Variants in TACC2 observed in about 807,000 individuals in gnomAD.
The protein encoded by TACC2 is transforming acidic coiled-coil containing protein 2.
A neutral mutation model predicts 227.3 loss-of-function variants in TACC2; 137 were observed. The observed-to-expected ratio is 0.60, with a 90% CI of 0.52 to 0.69. The LOEUF (loss-of-function observed/expected upper bound fraction) is 0.69, where lower values mean the gene tolerates loss of function less well. Ranked by LOEUF, TACC2 falls within the 30% of genes least tolerant of loss-of-function variation. The pLI is 0.00. For synonymous variants in TACC2, 1,523 were observed against 1,487.5 expected, an observed-to-expected ratio of 1.02 and a Z score of -0.55; for missense variants, 3,470 against 3,694.4, an observed-to-expected ratio of 0.94 and a Z score of 1.57.
At chr10:122,075,002 A>T (rs2136864614) in intron 3 of TACC2, among the ~76,000 whole-genome samples, 1 of 152,254 alleles carries the variant, frequency 6.6e-6, no homozygotes, top group Middle Eastern at 3.4e-3. Flanking sequence ...CACTTTGGAC[A>T]TCCTAAATGT....
Position 122,050,496 on chromosome 10 carries a change from TA to T in TACC2, c.97del (p.Arg33GlyfsTer45), listed in dbSNP as rs753443406. 6.2e-7 allele frequency: 1 copy of T among 1,613,900 alleles called. No individual in the cohort carries two copies. Among genetic ancestry groups the T allele is most frequent in the African/African-American group, 1.3e-5 (1 of 74,872 alleles). The stretch of plus-strand genomic sequence containing the variant: ...CAGCCACCCGGGAACAGTCAGAATA[TA>T]AAAAGGAAGCAGCAGGACACGCCCG... ...SAQPPGNSQN[I>X]KRKQQDTPGS... is the part of the protein sequence containing the mutation. On this transcript the variant is annotated frameshift_variant, in exon 3 of 23. Transcript: ENST00000369005. LOFTEE classifies it high-confidence loss of function. The surrounding 1 kb of genome is among the most constrained non-coding windows in gnomAD (Gnocchi z 4.6).
chr10:122,021,827 G>A, intron 1 of TACC2, 110 bp from the exon 2 acceptor site: 2 of 656,612 alleles, frequency 3.0e-6, no homozygotes, highest in South Asian at 1.9e-5. Flanking sequence ...TGACCGTAGA[G>A]ATAAACATTT....
At chr10:122,137,519 G>A (rs1418205787) in intron 6 of TACC2, among the ~76,000 whole-genome samples, 2 of 152,168 alleles carry the variant, frequency 1.3e-5, no homozygotes, top group Non-Finnish European at 2.9e-5. Context: ...TCCAGCTGCT[G>A]TACCACTATG....
chr10:122,193,488 G>T (rs1285218004), intron 7 of TACC2, among the ~76,000 whole-genome samples: 1 of 152,140 alleles, frequency 6.6e-6, no homozygotes, highest in African/African-American at 2.4e-5. Flanking sequence ...AGCAACGTGA[G>T]CATCTCTCAG....
At chr10:122,216,581 A>G (rs1455182043) in intron 10 of TACC2, 46 bp from the exon 11 acceptor site, 1 of 1,588,558 alleles carries the variant, frequency 6.3e-7, no homozygotes, top group South Asian at 1.2e-5. Context: ...ACAGTTTCTG[A>G]CCAAGAGTCT....
intron 16 of TACC2, among the ~76,000 whole-genome samples, chr10:122,235,186 C>T (rs142762452): frequency 6.6e-6 from 1 of 152,316 alleles, no homozygotes; most frequent in African/African-American, 2.4e-5. Flanking sequence ...TCCTGGGTTT[C>T]AAGCGATTCT....
chr10:122,143,435 CG>C, intron 6 of TACC2, 136 bp from the exon 7 acceptor site: 1 of 890,704 alleles, frequency 1.1e-6, no homozygotes, highest in Non-Finnish European at 1.6e-6. Flanking sequence ...ATGGGGAAGC[CG>C]GGGAGCCAAG....
chr10:122,131,200 AAT>A (rs1231828459), intron 5 of TACC2, among the ~76,000 whole-genome samples: 5 of 143,328 alleles, frequency 3.5e-5, no homozygotes, highest in African/African-American at 5.4e-5. Flanking sequence ...AAAAAAAAAA[AAT>A]CTGACTCTTG....
At chr10:122,241,231 G>A (rs1207371017) in intron 18 of TACC2, among the ~76,000 whole-genome samples, 1 of 152,160 alleles carries the variant, frequency 6.6e-6, no homozygotes, top group Non-Finnish European at 1.5e-5. Flanking sequence ...GATGGATGAG[G>A]GAGGTTGGGC....
At chr10:122,187,331 T>G (rs1265568367) in intron 7 of TACC2, among the ~76,000 whole-genome samples, 1 of 152,154 alleles carries the variant, frequency 6.6e-6, no homozygotes, top group Non-Finnish European at 1.5e-5. Context: ...CTTTCTTCGG[T>G]ACACTCTGGT....
chr10:122,197,839 T>A (rs2094626237), intron 8 of TACC2, among the ~76,000 whole-genome samples: 1 of 152,192 alleles, frequency 6.6e-6, no homozygotes, highest in South Asian at 2.1e-4. Flanking sequence ...GAAAACCGCC[T>A]CCCAGGCGGA....
intron 5 of TACC2, among the ~76,000 whole-genome samples, chr10:122,108,162 A>G (rs1176461883): frequency 6.6e-6 from 1 of 151,766 alleles, no homozygotes; most frequent in Non-Finnish European, 1.5e-5. Context: ...AAGTGCTGAG[A>G]TTACAGGCGT....
intron 11 of TACC2, among the ~76,000 whole-genome samples, chr10:122,217,709 G>A (rs931592615): frequency 6.6e-6 from 1 of 151,872 alleles, no homozygotes; most frequent in Non-Finnish European, 1.5e-5. Flanking sequence ...CAAAGTGCTG[G>A]GATTACAGGT....
At chr10:122,061,138 T>C (rs930151367) in intron 3 of TACC2, among the ~76,000 whole-genome samples, 2 of 146,018 alleles carry the variant, frequency 1.4e-5, no homozygotes, top group African/African-American at 5.2e-5. Flanking sequence ...TGAAACCCCA[T>C]CTCTACTAAA....
chr10:122,187,935 G>A (rs1354378063), intron 7 of TACC2, among the ~76,000 whole-genome samples: 1 of 152,112 alleles, frequency 6.6e-6, no homozygotes, highest in East Asian at 1.9e-4. Context: ...TCTTGCCTAA[G>A]GTCATGTGCT....
At chr10:122,242,896 T>C (rs115199565) in intron 19 of TACC2, among the ~76,000 whole-genome samples, 3 of 152,166 alleles carry the variant, frequency 2.0e-5, no homozygotes, top group Non-Finnish European at 4.4e-5. Context: ...GGTTGCCCAA[T>C]GTCCTGGGAT....
At chr10:122,188,289 TA>T (rs1241411753) in intron 7 of TACC2, among the ~76,000 whole-genome samples, 1 of 152,154 alleles carries the variant, frequency 6.6e-6, no homozygotes, top group African/African-American at 2.4e-5. Flanking sequence ...TTTATTTATT[TA>T]TTTTTTTGAG....
intron 8 of TACC2, among the ~76,000 whole-genome samples, chr10:122,206,177 G>T (rs1196279506): frequency 1.3e-5 from 2 of 152,202 alleles, no homozygotes; most frequent in East Asian, 3.8e-4. Context: ...CAAGGCTAAG[G>T]GTGTGGCCTT....
chr10:122,073,150 T>C (rs1308381992), intron 3 of TACC2, among the ~76,000 whole-genome samples: 4 of 96,468 alleles, frequency 4.1e-5, no homozygotes, highest in South Asian at 3.6e-4. Flanking sequence ...TATATATATA[T>C]ATACACACAC....
Sources: gnomAD v4.1 joint callset for allele counts (sites outside exome capture counted in the v4.1 genomes callset) on GRCh38, gnomAD v4.1.1 for gene constraint, Gnocchi (gnomAD v3.1) non-coding constraint, MANE v1.5 for transcripts, NCBI Gene and HGNC (gene_info 2026-07-23, HGNC 2026-07-21) for gene names.